Variants in SEMA7A observed in about 807,000 individuals in gnomAD.
The protein encoded by SEMA7A is semaphorin 7A (JohnMiltonHagen blood group).
A neutral mutation model predicts 67.5 loss-of-function variants in SEMA7A; 21 were observed. The observed-to-expected ratio is 0.31, with a 90% CI of 0.22 to 0.45. The LOEUF (loss-of-function observed/expected upper bound fraction) is 0.45, where lower values mean the gene tolerates loss of function less well. SEMA7A is among the 20% of genes least tolerant of loss of function. SEMA7A has a pLI of 1.00. For missense variants in SEMA7A, 774 were observed against 908.6 expected (o/e 0.85, Z 1.90); for synonymous variants, 364 against 368.5 (o/e 0.99, Z 0.14).
Position 74,414,435 on chromosome 15 carries a change from C to G in SEMA7A, c.1294+112G>C, listed in dbSNP as rs1167923133. ...TTAACCCCTGACAACTCCAGTCACTCAATTATTCCTTCCACATGTAAAGAT... is the reference window on the plus strand; with the variant it reads ...TTAACCCCTGACAACTCCAGTCACTGAATTATTCCTTCCACATGTAAAGAT... On this transcript the variant is annotated intron_variant, in intron 10 of 13. Coordinates refer to ENST00000261918, the MANE Select transcript of SEMA7A (RefSeq NM_003612.5). The surrounding 1 kb of genome is among the most constrained non-coding windows in gnomAD (Gnocchi z 4.1). 8.9e-7 allele frequency: 1 copy of G among 1,126,980 alleles called. No individual in the cohort carries two copies. Among genetic ancestry groups the G allele is most frequent in the African/African-American group, 1.6e-5 (1 of 64,374 alleles). The allele number at this position is 1,126,980 out of a possible 1,614,324, so 69.8% of individuals were successfully genotyped here.
At chr15:74,428,215 C>T (rs962090788) in intron 1 of SEMA7A, among the ~76,000 whole-genome samples, 1 of 152,248 alleles carries the variant, frequency 6.6e-6, no homozygotes, top group Non-Finnish European at 1.5e-5. Context: ...CTCCTGGGAA[C>T]AGACAGCACT....
intron 6 of SEMA7A, 29 bp downstream of exon 6, chr15:74,417,302 GCCCA>G: frequency 1.3e-6 from 2 of 1,554,424 alleles, no homozygotes; most frequent in Non-Finnish European, 1.8e-6. Context: ...ACACCCCCTT[GCCCA>G]CCCTCAGCCC....
chr15:74,425,445 C>A (rs962740937), intron 1 of SEMA7A, among the ~76,000 whole-genome samples: 2 of 152,142 alleles, frequency 1.3e-5, no homozygotes, highest in Non-Finnish European at 2.9e-5. Context: ...AGAATCTGTG[C>A]TTATAACATC....
At chr15:74,433,218 C>A (rs1210075155) in intron 1 of SEMA7A, among the ~76,000 whole-genome samples, 3 of 151,192 alleles carry the variant, frequency 2.0e-5, no homozygotes, top group African/African-American at 4.9e-5. Flanking sequence ...CGGGCCGGGG[C>A]GGGGGCGGGG....
rs773218213 is a variant in SEMA7A at position 74,411,738 on chromosome 15, C to A, written c.1423-28G>T. The A allele has an allele frequency of 8.7e-6, 14 of 1,610,100 alleles. No individual in the cohort carries two copies. The highest frequency in any genetic ancestry group is 1.1e-5 in the Non-Finnish European group (13 of 1,179,444). On this transcript the variant is annotated intron_variant, in intron 11 of 13. Transcript: ENST00000261918. The surrounding 1 kb of genome is among the most constrained non-coding windows in gnomAD (Gnocchi z 4.4). The stretch of plus-strand genomic sequence containing the variant: ...GGAAGGACAGCAGGATTGGGTCAGG[C>A]CCGGGCCCCACCCCACACTCAGTCC...
At position 74,409,581 on chromosome 15, in the gene SEMA7A, G is replaced by C. The variant is rs1196666992; in HGVS notation, c.*1043C>G. ...TAGGAGCATGGAAGCACAGCCCCTG[G>C]GGAAGGGGGCTGAGAGGAAGGGAGG... On this transcript the variant is annotated 3_prime_UTR_variant, in exon 14 of 14. Coordinates refer to ENST00000261918, the MANE Select transcript of SEMA7A (RefSeq NM_003612.5). The C allele has an allele frequency of 6.6e-6, 1 of 152,324 alleles. No individual in the cohort carries two copies. Among genetic ancestry groups the C allele is most frequent in the Non-Finnish European group, 1.5e-5 (1 of 68,122 alleles). 9.4% of individuals were successfully genotyped at this position (152,324 alleles called of 1,614,324 possible).
intron 1 of SEMA7A, among the ~76,000 whole-genome samples, chr15:74,431,662 T>C (rs889577302): frequency 3.3e-5 from 5 of 152,216 alleles, no homozygotes; most frequent in Non-Finnish European, 5.9e-5. Flanking sequence ...CCTGGGTTTG[T>C]CCTACCCAAG....
intron 3 of SEMA7A, 66 bp from the exon 4 acceptor site, chr15:74,418,035 T>A: frequency 6.5e-7 from 1 of 1,536,886 alleles, no homozygotes; most frequent in Non-Finnish European, 9.0e-7. Flanking sequence ...AGCCTAGCAC[T>A]AGGACCCCCA....
chr15:74,433,792 A>T lies in SEMA7A; in HGVS notation c.127T>A (p.Ser43Thr). The change falls in exon 1 of 14, where the codon TCC becomes ACC. Residue 43 changes from serine (S) to threonine (T), a missense_variant. By Grantham distance (58) the Ser-to-Thr change is moderately conservative. Coordinates refer to ENST00000261918, the MANE Select transcript of SEMA7A (RefSeq NM_003612.5). ...CCGCTCCTTAGGTGGCCCTGGGCGG[A>T]GGCGGCGGCCGCCCAGAGCAGCAGC... The part of the protein sequence containing the change: ...LLLLLWAAAA[S>T]AQGHLRSGPR... 1 of 1,431,196 alleles carries T rather than the reference A, an allele frequency of 7.0e-7. No individual in the cohort carries two copies. Among genetic ancestry groups the T allele is most frequent in the Non-Finnish European group, 9.1e-7 (1 of 1,096,010 alleles). 88.7% of individuals were successfully genotyped at this position (1,431,196 alleles called of 1,614,324 possible). A position where few individuals can be genotyped will look rare whatever the true frequency, so the allele number is the denominator to read the frequency against.
chr15:74,414,774 TG>T lies in SEMA7A; in HGVS notation c.1096-30del, dbSNP rs2060931769. On this transcript the variant is annotated intron_variant, in intron 9 of 13. Transcript: ENST00000261918. This position sits in a 1 kb window ranked among gnomAD's most constrained non-coding sequence, Gnocchi z 4.1. Reference sequence around the variant, plus strand: ...GGCAAGGAGAGCAGGCCCAGGTCAGTGGGGTGGTGGGAGGTGAGGCAGAAGG... The same window carrying T: ...GGCAAGGAGAGCAGGCCCAGGTCAGTGGGTGGTGGGAGGTGAGGCAGAAGG... The T allele has an allele frequency of 6.2e-7, 1 of 1,613,766 alleles. No homozygotes were observed.
chr15:74,417,862 G>A lies in SEMA7A; in HGVS notation c.465+15C>T, dbSNP rs1446185461. ...AAGGTGAGCTGATCAGGCACATGGG[G>A]AGCAGCCTTCTCACCAGGTTCCAGC... On this transcript the variant is annotated intron_variant, in intron 4 of 13. Transcript: ENST00000261918. 1 of 1,612,916 alleles carries A rather than the reference G, an allele frequency of 6.2e-7. No homozygotes were observed. Among genetic ancestry groups the A allele is most frequent in the African/African-American group, 1.3e-5 (1 of 74,932 alleles).
rs994290775 is a variant in SEMA7A at position 74,418,426 on chromosome 15, G to C, written c.331-117C>G. Reference sequence around the variant, plus strand: ...AAGCAACCATTATTCTCATCTGACAGATGAGCAACTGGGGCTCTGAGAGGG... The same window carrying C: ...AAGCAACCATTATTCTCATCTGACACATGAGCAACTGGGGCTCTGAGAGGG... On this transcript the variant is annotated intron_variant, in intron 2 of 13. Coordinates refer to ENST00000261918, the MANE Select transcript of SEMA7A (RefSeq NM_003612.5). The C allele has an allele frequency of 3.0e-6, 3 of 995,042 alleles. No individual in the cohort carries two copies. In the East Asian group the frequency reaches 7.8e-5, roughly 26 times the overall value. 61.6% of individuals were successfully genotyped at this position (995,042 alleles called of 1,614,324 possible). A position where few individuals can be genotyped will look rare whatever the true frequency, so the allele number is the denominator to read the frequency against.
intron 1 of SEMA7A, among the ~76,000 whole-genome samples, chr15:74,429,489 G>C (rs1483420940): frequency 6.6e-6 from 1 of 152,220 alleles, no homozygotes; most frequent in Non-Finnish European, 1.5e-5. Context: ...AGAGCTGAGG[G>C]ACAGACCTTC....
At chr15:74,428,008 G>A (rs1350276003) in intron 1 of SEMA7A, among the ~76,000 whole-genome samples, 1 of 152,240 alleles carries the variant, frequency 6.6e-6, no homozygotes, top group Non-Finnish European at 1.5e-5. Flanking sequence ...CTGGAAGCAT[G>A]GGGTGCAGAA....
At chr15:74,418,150 G>T (rs148414538) in intron 3 of SEMA7A, 118 bp downstream of exon 3, 1 of 1,195,554 alleles carries the variant, frequency 8.4e-7, no homozygotes. Flanking sequence ...AGAGGACCAC[G>T]TCTCCCCATC....
chr15:74,410,759 G>C lies in SEMA7A; in HGVS notation c.1866C>G (p.Arg622=). The stretch of plus-strand genomic sequence containing the variant: ...GCAGCAGCTGCCAGTGCTGAGCCTC[G>C]CGGAAGTAGGAGCCCTCCTGGGCCT... The part of the protein sequence containing the change: ...FCEAQEGSYF[R]EAQHWQLLPE... The change falls in exon 14 of 14, where the codon CGC becomes CGG. Residue 622 remains arginine, a synonymous_variant. Coordinates refer to ENST00000261918, the MANE Select transcript of SEMA7A (RefSeq NM_003612.5). This position sits in a 1 kb window ranked among gnomAD's most constrained non-coding sequence, Gnocchi z 7.5. The C allele has an allele frequency of 6.2e-7, 1 of 1,614,112 alleles. No homozygotes were observed. The highest frequency in any genetic ancestry group is 8.5e-7 in the Non-Finnish European group (1 of 1,180,036).
intron 10 of SEMA7A, 81 bp from the exon 11 acceptor site, chr15:74,412,093 G>A (rs2060907029): frequency 1.3e-6 from 2 of 1,548,458 alleles, no homozygotes; most frequent in East Asian, 2.3e-5. Flanking sequence ...GGGGAGGGGT[G>A]GGAAGTCACA....
At position 74,423,945 on chromosome 15, in the gene SEMA7A, T is replaced by C. The variant is rs868596969; in HGVS notation, c.179-4993A>G. On this transcript the variant is annotated intron_variant, in intron 1 of 13. Transcript: ENST00000261918. This position sits in a 1 kb window ranked among gnomAD's most constrained non-coding sequence, Gnocchi z 4.1. ...CAGGGTTAGGTTCTAGATTAGCTAG[T>C]CGCCTGGCAGGGGCAGAGCCTGTGT... Among the ~76,000 whole-genome samples the C allele has an allele frequency of 6.6e-6, 1 of 152,322 alleles. No homozygotes were observed. The highest frequency in any genetic ancestry group is 2.4e-5 in the African/African-American group (1 of 41,552).
chr15:74,425,318 T>C (rs557944815), intron 1 of SEMA7A, among the ~76,000 whole-genome samples: 1 of 152,372 alleles, frequency 6.6e-6, no homozygotes, highest in African/African-American at 2.4e-5. Flanking sequence ...TAGGTTCTTT[T>C]ATTATCCCCA....
Sources: gnomAD v4.1 joint callset for allele counts (sites outside exome capture counted in the v4.1 genomes callset) on GRCh38, gnomAD v4.1.1 for gene constraint, Gnocchi (gnomAD v3.1) non-coding constraint, MANE v1.5 for transcripts, NCBI Gene and HGNC (gene_info 2026-07-23, HGNC 2026-07-21) for gene names.